ARK2C: variants seen among roughly 807,000 people sequenced by gnomAD.
ARK2C encodes the protein E3 ubiquitin-protein ligase ARK2C.
the ARK2C span, among the ~76,000 whole-genome samples, chr18:46,377,968 A>G: frequency 1.3e-5 from 2 of 152,064 alleles, no homozygotes; most frequent in African/African-American, 2.4e-5. Context: ...GGACTGCACA[A>G]CAGAGGTGGT....
chr18:46,334,610 A>G, the ARK2C span: 21 of 484,366 alleles, frequency 4.3e-5, no homozygotes, highest in Middle Eastern at 5.2e-4. This position sits in a 1 kb window ranked among gnomAD's most constrained non-coding sequence, Gnocchi z 4.4. Flanking sequence ...GGTTCCCCCA[A>G]ATCACAGCCC....
chr18:46,334,264 G>A, the ARK2C span: 2 of 1,491,660 alleles, frequency 1.3e-6, no homozygotes, highest in Non-Finnish European at 1.8e-6. This position sits in a 1 kb window ranked among gnomAD's most constrained non-coding sequence, Gnocchi z 4.4. Context: ...GCCGCCGCGC[G>A]AGGAGCCAGG....
chr18:46,340,460 T>C, the ARK2C span, among the ~76,000 whole-genome samples: 3 of 152,180 alleles, frequency 2.0e-5, no homozygotes, highest in Non-Finnish European at 2.9e-5. Flanking sequence ...CTAAGGGGGA[T>C]ACAGAAGAAA....
the ARK2C span, among the ~76,000 whole-genome samples, chr18:46,354,458 G>T: frequency 6.6e-6 from 1 of 152,350 alleles, no homozygotes; most frequent in East Asian, 1.9e-4. Flanking sequence ...AGGGCCCATA[G>T]GCGCCCAAAC....
the ARK2C span, chr18:46,459,208 C>G: frequency 9.9e-5 from 15 of 152,232 alleles, no homozygotes; most frequent in African/African-American, 3.6e-4. Flanking sequence ...CAGGATAGAA[C>G]TAGAGCTGGT....
the ARK2C span, among the ~76,000 whole-genome samples, chr18:46,415,145 A>G: frequency 0.051 from 7,749 of 152,208 alleles, 747 homozygotes; most frequent in East Asian, 0.39. Flanking sequence ...CCAGGCCTAC[A>G]TGACCTCTGC....
chr18:46,379,021 A>G, the ARK2C span, among the ~76,000 whole-genome samples: 1 of 152,186 alleles, frequency 6.6e-6, no homozygotes, highest in Non-Finnish European at 1.5e-5. Context: ...TGGAGTAGGG[A>G]AGGAGCGGGG....
At chr18:46,347,052 C>T in the ARK2C span, among the ~76,000 whole-genome samples, 5 of 152,254 alleles carry the variant, frequency 3.3e-5, no homozygotes, top group Middle Eastern at 3.4e-3. Context: ...GATATCTTAG[C>T]GCACGGGATG....
At chr18:46,400,492 G>A in the ARK2C span, among the ~76,000 whole-genome samples, 2 of 152,162 alleles carry the variant, frequency 1.3e-5, no homozygotes, top group African/African-American at 2.4e-5. Context: ...AGTCTGTAAC[G>A]GGCAGTTCGT....
the ARK2C span, among the ~76,000 whole-genome samples, chr18:46,348,898 TTCTGTGTG>T: frequency 0.011 from 1,352 of 123,254 alleles, 18 homozygotes; most frequent in East Asian, 0.079. Flanking sequence ...CTCTCTCTCT[TTCTGTGTG>T]TGTGTGTGTG....
At chr18:46,365,569 T>A in the ARK2C span, among the ~76,000 whole-genome samples, 1 of 152,216 alleles carries the variant, frequency 6.6e-6, no homozygotes. Context: ...AATGGTGCGA[T>A]CTTGGCTCAC....
the ARK2C span, chr18:46,334,200 G>C: frequency 1.7e-5 from 16 of 934,844 alleles, no homozygotes; most frequent in Non-Finnish European, 2.0e-5. This position sits in a 1 kb window ranked among gnomAD's most constrained non-coding sequence, Gnocchi z 4.4. Context: ...GCCGCCGCCC[G>C]CGCCCGCGCC....
the ARK2C span, among the ~76,000 whole-genome samples, chr18:46,378,812 G>C: frequency 4.6e-4 from 70 of 152,182 alleles, no homozygotes; most frequent in Admixed American, 1.0e-3. Flanking sequence ...CGCTGCTATG[G>C]ATGGTGGGGA....
At chr18:46,401,043 C>T in the ARK2C span, among the ~76,000 whole-genome samples, 1 of 152,096 alleles carries the variant, frequency 6.6e-6, no homozygotes, top group Admixed American at 6.5e-5. Context: ...GACCCCCTCC[C>T]CATAAGTGAG....
At chr18:46,378,078 G>A in the ARK2C span, among the ~76,000 whole-genome samples, 1 of 152,184 alleles carries the variant, frequency 6.6e-6, no homozygotes, top group Admixed American at 6.5e-5. Flanking sequence ...GAGGCCAGTG[G>A]AAGTTGGCCC....
the ARK2C span, among the ~76,000 whole-genome samples, chr18:46,374,477 C>A: frequency 6.6e-6 from 1 of 152,086 alleles, no homozygotes; most frequent in Non-Finnish European, 1.5e-5. Context: ...GTGAATTTGA[C>A]TACTTGAGGC....
the ARK2C span, among the ~76,000 whole-genome samples, chr18:46,409,607 G>A: frequency 2.0e-5 from 3 of 151,686 alleles, no homozygotes; most frequent in Admixed American, 2.0e-4. Flanking sequence ...TGCAGAGGAG[G>A]GACCTCTGGT....
the ARK2C span, among the ~76,000 whole-genome samples, chr18:46,379,895 CT>C: frequency 0.013 from 2,027 of 152,336 alleles, 45 homozygotes; most frequent in African/African-American, 0.047. Context: ...TGTCCTGCCC[CT>C]GGCCTCCTTG....
chr18:46,385,780 G>A, the ARK2C span: 1 of 152,172 alleles, frequency 6.6e-6, no homozygotes, highest in African/African-American at 2.4e-5. Flanking sequence ...TAAAAAATCA[G>A]TGTTTGCCTT....
Sources: allele counts gnomAD v4.1 joint callset (sites outside exome capture counted in the v4.1 genomes callset), GRCh38; gene constraint gnomAD v4.1.1; non-coding constraint Gnocchi (gnomAD v3.1); transcripts MANE v1.5; gene names NCBI Gene and HGNC (gene_info 2026-07-23, HGNC 2026-07-21).